KALRN: variants seen among roughly 807,000 people sequenced by gnomAD.
KALRN encodes kalirin.
Under a neutral mutation model 353.7 loss-of-function variants are expected in KALRN, and 70 were observed. The ratio of observed to expected loss-of-function variants is 0.20; its 90% CI spans 0.16 to 0.24. The LOEUF (loss-of-function observed/expected upper bound fraction) is 0.24. KALRN is among the 10% of genes least tolerant of loss of function. The pLI is 1.00. For synonymous variants in KALRN, 1,391 were observed against 1,434.8 expected (o/e 0.97, Z 0.69); for missense variants, 2,791 against 3,756.7 (o/e 0.74, Z 6.72).
chr3:124,580,950 T>A (rs1227691704), intron 34 of KALRN, among the ~76,000 whole-genome samples: 5 of 146,682 alleles, frequency 3.4e-5, no homozygotes, highest in African/African-American at 1.1e-4. Context: ...TCTATTAAAA[T>A]AATAATAATA....
At chr3:124,366,876 C>CA (rs2084815067) in intron 10 of KALRN, among the ~76,000 whole-genome samples, 10 of 129,312 alleles carry the variant, frequency 7.7e-5, no homozygotes, top group South Asian at 2.4e-4. Context: ...GCTGGCCGGG[C>CA]GGGGGGCTGA....
In KALRN at chr3:124,659,474, C is replaced by T; in HGVS notation, c.6216+17C>T. 1 of 1,549,624 alleles carries T rather than the reference C, an allele frequency of 6.5e-7. No homozygotes were observed. Among genetic ancestry groups the T allele is most frequent in the Non-Finnish European group, 8.9e-7 (1 of 1,121,430 alleles). On this transcript the variant is annotated intron_variant, in intron 43 of 59. Transcript: ENST00000682506. The stretch of plus-strand genomic sequence containing the variant: ...CTCCTCAAGGTAAGAAGCTGGGAGC[C>T]TGGGTGAGGGCTGGAGAAGGATCCA...
chr3:124,251,077 A>G (rs1299938043), intron 3 of KALRN, among the ~76,000 whole-genome samples: 12 of 152,208 alleles, frequency 7.9e-5, no homozygotes. Flanking sequence ...TGTGCTCCCA[A>G]GCCACTCTGA....
chr3:124,439,200 T>TTACACA (rs1395318707), intron 18 of KALRN, among the ~76,000 whole-genome samples, 163 bp downstream of exon 18: 1,337 of 98,964 alleles, frequency 0.014, 36 homozygotes, highest in African/African-American at 0.042. Flanking sequence ...TCTCTCTCTC[T>TTACACA]CACACACACA....
chr3:124,201,640 G>T lies in KALRN; in HGVS notation c.74-26350G>T, dbSNP rs73860333. On this transcript the variant is annotated intron_variant, in intron 1 of 59. Coordinates refer to ENST00000682506, the MANE Select transcript of KALRN (RefSeq NM_001388419.1). ...ATGCTGTGGTCTGTACAGGTTGATG[G>T]ATGTGATCTCCATCCTCCTAGAGCT... Among the ~76,000 whole-genome samples the T allele has an allele frequency of 9.5e-3, 1,444 of 152,268 alleles. 22 individuals carry two copies. The highest frequency in any genetic ancestry group is 0.033 in the African/African-American group (1,360 of 41,548).
chr3:124,089,448 G>A (rs1297736394), intron 1 of KALRN, among the ~76,000 whole-genome samples: 1 of 152,088 alleles, frequency 6.6e-6, no homozygotes, highest in East Asian at 1.9e-4. Flanking sequence ...AAACCTCCTG[G>A]GGGGTGAACG....
At chr3:124,585,075 A>T (rs2075024898) in intron 34 of KALRN, among the ~76,000 whole-genome samples, 1 of 152,328 alleles carries the variant, frequency 6.6e-6, no homozygotes, top group Non-Finnish European at 1.5e-5. Flanking sequence ...TCCGTTTCAC[A>T]GTTTCCCAGA....
intron 1 of KALRN, chr3:124,152,050 G>A (rs565703570): frequency 2.1e-6 from 3 of 1,396,252 alleles, no homozygotes; most frequent in African/African-American, 1.4e-5. Context: ...TCTTCATTCT[G>A]TCTCATGGAG....
At position 124,490,893 on chromosome 3, in the gene KALRN, G is replaced by C; in HGVS notation, c.4587+9G>C. The stretch of plus-strand genomic sequence containing the variant: ...ACAAGAACAAGCTACTGGTAGGTGG[G>C]GCAGGTGGGGTAAGACAAGACTCCC... On this transcript the variant is annotated intron_variant, in intron 30 of 59. Transcript: ENST00000682506. 2 of 1,603,306 alleles carry C rather than the reference G, an allele frequency of 1.2e-6. No individual in the cohort carries two copies. Among genetic ancestry groups the C allele is most frequent in the Non-Finnish European group, 1.7e-6 (2 of 1,175,198 alleles).
intron 1 of KALRN, among the ~76,000 whole-genome samples, chr3:124,170,059 T>TG (rs911824157): frequency 5.3e-4 from 80 of 152,278 alleles, no homozygotes; most frequent in African/African-American, 1.9e-3. Flanking sequence ...GAAAATACCG[T>TG]GGTAAAGCTT....
At chr3:124,533,695 A>G (rs2068264771) in intron 33 of KALRN, among the ~76,000 whole-genome samples, 1 of 152,166 alleles carries the variant, frequency 6.6e-6, no homozygotes, top group South Asian at 2.1e-4. Flanking sequence ...TATGTCATGT[A>G]ATCAGCTGGG....
chr3:124,311,648 G>A (rs1013577286), intron 6 of KALRN, among the ~76,000 whole-genome samples: 4 of 152,078 alleles, frequency 2.6e-5, no homozygotes, highest in Non-Finnish European at 5.9e-5. Flanking sequence ...ATATACTCAA[G>A]AGAAATGTAA....
intron 27 of KALRN, among the ~76,000 whole-genome samples, chr3:124,482,025 T>C (rs1008769711): frequency 1.3e-5 from 2 of 152,148 alleles, no homozygotes; most frequent in African/African-American, 4.8e-5. Flanking sequence ...TAGAAGATCA[T>C]TTTGGAGGTA....
intron 1 of KALRN, among the ~76,000 whole-genome samples, chr3:124,143,076 T>C (rs1169785785): frequency 1.3e-5 from 2 of 152,090 alleles, no homozygotes; most frequent in African/African-American, 2.4e-5. Flanking sequence ...TGAAAATCTA[T>C]TGGATGATTA....
intron 14 of KALRN, among the ~76,000 whole-genome samples, chr3:124,418,501 G>C (rs2092622956): frequency 6.6e-6 from 1 of 152,026 alleles, no homozygotes; most frequent in Admixed American, 6.5e-5. Context: ...GAATGGAGAG[G>C]GGAGAAGAAA....
chr3:124,304,551 G>T (rs2077533934), intron 6 of KALRN, among the ~76,000 whole-genome samples: 1 of 152,182 alleles, frequency 6.6e-6, no homozygotes, highest in African/African-American at 2.4e-5. Context: ...ACAGTGTGAA[G>T]AACTCTGCAA....
chr3:124,367,504 C>T (rs1401975843), intron 10 of KALRN, among the ~76,000 whole-genome samples: 37 of 78,730 alleles, frequency 4.7e-4, no homozygotes, highest in African/African-American at 1.0e-3. Flanking sequence ...GCTGGCCGGG[C>T]GGGGGGGCTG....
At chr3:124,248,943 G>T (rs1172147659) in intron 3 of KALRN, among the ~76,000 whole-genome samples, 1 of 152,230 alleles carries the variant, frequency 6.6e-6, no homozygotes, top group Non-Finnish European at 1.5e-5. Flanking sequence ...AGAATGTCCT[G>T]GATCTCCAGA....
chr3:124,047,491 CTTT>C (rs33947722), intron 1 of KALRN, among the ~76,000 whole-genome samples: 98 of 108,484 alleles, frequency 9.0e-4, no homozygotes, highest in Non-Finnish European at 1.2e-3. Context: ...TCATAGAACA[CTTT>C]TTTTTTTTTT....
Sources: gnomAD v4.1 joint callset for allele counts (sites outside exome capture counted in the v4.1 genomes callset) on GRCh38, gnomAD v4.1.1 for gene constraint, MANE v1.5 for transcripts, NCBI Gene and HGNC (gene_info 2026-07-23, HGNC 2026-07-21) for gene names.